The following KCNK2 variants were observed in gnomAD, a reference collection of about 807,000 sequenced individuals.
The protein encoded by KCNK2 is potassium channel subfamily K member 2.
KCNK2 carries 21 observed loss-of-function variants against 40.5 expected under a neutral mutation model. The observed-to-expected ratio is 0.52, with a 90% CI of 0.37 to 0.75. The LOEUF is 0.75. Among genes scored for constraint, KCNK2 ranks in the 30% least tolerant of loss-of-function variants. KCNK2 has a pLI of 0.00. For synonymous variants in KCNK2, 191 were observed against 202.2 expected (o/e 0.94, Z 0.47); for missense variants, 399 against 531.6 (o/e 0.75, Z 2.45).
chr1:215,087,780 G>C (rs1659511693), intron 2 of KCNK2, among the ~76,000 whole-genome samples: 1 of 152,172 alleles, frequency 6.6e-6, no homozygotes. Context: ...CTTTAATCCT[G>C]CTTTTTGTTT....
At chr1:215,149,203 A>AG (rs1289909420) in intron 3 of KCNK2, among the ~76,000 whole-genome samples, 2 of 152,094 alleles carry the variant, frequency 1.3e-5, no homozygotes, top group African/African-American at 4.8e-5. Context: ...GCAGGGAAGG[A>AG]GAATGGAGGG....
intron 2 of KCNK2, among the ~76,000 whole-genome samples, chr1:215,098,605 C>T (rs748037635): frequency 1.1e-4 from 16 of 151,922 alleles, no homozygotes; most frequent in Non-Finnish European, 2.2e-4. Flanking sequence ...GAACAGATAC[C>T]TAGCATTACA....
chr1:215,166,573 G>A (rs1486987347), intron 3 of KCNK2, among the ~76,000 whole-genome samples: 1 of 152,066 alleles, frequency 6.6e-6, no homozygotes, highest in East Asian at 1.9e-4. Flanking sequence ...TAAGGCAGCT[G>A]TACACTGGTG....
chr1:215,150,061 T>G (rs1327775115), intron 3 of KCNK2, among the ~76,000 whole-genome samples: 1 of 152,154 alleles, frequency 6.6e-6, no homozygotes, highest in Non-Finnish European at 1.5e-5. Context: ...ATCGTTATGA[T>G]CTAGTAAGAT....
In KCNK2 at chr1:215,026,913, G is replaced by T. The variant is rs146898359; in HGVS notation, c.34+20958G>T. On this transcript the variant is annotated intron_variant, in intron 1 of 6. Transcript: ENST00000391895. ...TTTATTCCATTTGAAAACAGGGCAT[G>T]TAATTTTATTGTTTCAGATCATTTT... Among the ~76,000 whole-genome samples the T allele has an allele frequency of 1.9e-4, 29 of 152,130 alleles. No individual in the cohort carries two copies. In the East Asian group the frequency reaches 5.6e-3, roughly 29 times the overall value.
Position 215,236,923 on chromosome 1 carries a change from C to T in KCNK2, c.*1778C>T, listed in dbSNP as rs1666921667. 6.6e-6 allele frequency: 1 copy of T among 152,336 alleles called. No homozygotes were observed. 9.4% of individuals were successfully genotyped at this position (152,336 alleles called of 1,614,324 possible). A position where few individuals can be genotyped will look rare whatever the true frequency, so the allele number is the denominator to read the frequency against. ...ATATTCAATTAATTTGTTAAAAGTA[C>T]TTTTATAAAGTTAAAAAAAATCCAA... On this transcript the variant is annotated 3_prime_UTR_variant, in exon 7 of 7. Transcript: ENST00000444842.
chr1:215,153,253 G>A (rs2102615149), intron 3 of KCNK2, among the ~76,000 whole-genome samples: 1 of 152,202 alleles, frequency 6.6e-6, no homozygotes, highest in Non-Finnish European at 1.5e-5. Flanking sequence ...AAACGTATGT[G>A]GGGTTTGTCA....
intron 5 of KCNK2, among the ~76,000 whole-genome samples, chr1:215,193,091 CAAT>C (rs1431514361): frequency 4.0e-5 from 6 of 151,872 alleles, no homozygotes; most frequent in South Asian, 2.1e-4. Flanking sequence ...AATTTCTCTA[CAAT>C]AATGTTATAC....
In KCNK2 at chr1:215,201,430, G is replaced by A. The variant is rs149013656; in HGVS notation, c.963+6338G>A. On this transcript the variant is annotated intron_variant, in intron 6 of 6. Coordinates refer to ENST00000444842, the MANE Select transcript of KCNK2 (RefSeq NM_001017425.3). ...AGTAGCTATATCTTAAGATAGTTCCGGCCACATAAAACACAATTTCAAAGG... is the reference window on the plus strand; with the variant it reads ...AGTAGCTATATCTTAAGATAGTTCCAGCCACATAAAACACAATTTCAAAGG... Among the ~76,000 whole-genome samples, 536 of 152,114 alleles carry A rather than the reference G, an allele frequency of 3.5e-3. 1 individual carries two copies. Among genetic ancestry groups the A allele is most frequent in the African/African-American group, 0.012 (504 of 41,500 alleles).
chr1:215,177,841 G>A (rs918188560), intron 5 of KCNK2, among the ~76,000 whole-genome samples: 19 of 146,136 alleles, frequency 1.3e-4, no homozygotes, highest in Non-Finnish European at 2.5e-4. Context: ...TTTTTTTTAG[G>A]ATTACTTTGA....
intron 5 of KCNK2, among the ~76,000 whole-genome samples, chr1:215,184,271 T>A (rs1291722830): frequency 1.3e-5 from 2 of 152,190 alleles, no homozygotes; most frequent in Non-Finnish European, 1.5e-5. Context: ...AATGGAAAGT[T>A]TGTTATTACA....
chr1:215,078,141 C>T (rs79648230), upstream of KCNK2, among the ~76,000 whole-genome samples: 1,358 of 152,204 alleles, frequency 8.9e-3, 24 homozygotes, highest in African/African-American at 0.032. Context: ...AAAAAAACCT[C>T]GTAATGTTTT....
chr1:215,027,118 A>G (rs1174091504), intron 1 of KCNK2, among the ~76,000 whole-genome samples: 1 of 152,078 alleles, frequency 6.6e-6, no homozygotes, highest in East Asian at 1.9e-4. Flanking sequence ...TCTATCAAAT[A>G]TTCTTATCAA....
At chr1:215,227,877 A>AT (rs1666455684) in intron 6 of KCNK2, among the ~76,000 whole-genome samples, 1 of 152,034 alleles carries the variant, frequency 6.6e-6, no homozygotes, top group East Asian at 1.9e-4. Flanking sequence ...TTGATGTAAG[A>AT]TTCAGTAAGA....
chr1:215,120,917 T>C (rs1456499725), intron 2 of KCNK2, among the ~76,000 whole-genome samples: 3 of 152,242 alleles, frequency 2.0e-5, no homozygotes, highest in Non-Finnish European at 2.9e-5. Flanking sequence ...ATGTCTTTTT[T>C]TGTTTGCTTG....
rs776566359 is a variant in KCNK2, at chr1:215,235,189, T to G, written c.*44T>G. The G allele has an allele frequency of 6.7e-7, 1 of 1,484,102 alleles. No individual in the cohort carries two copies. Among genetic ancestry groups the G allele is most frequent in the Non-Finnish European group, 9.2e-7 (1 of 1,085,086 alleles). The allele number at this position is 1,484,102 out of a possible 1,614,324, so 91.9% of individuals were successfully genotyped here. A position where few individuals can be genotyped will look rare whatever the true frequency, so the allele number is the denominator to read the frequency against. On this transcript the variant is annotated 3_prime_UTR_variant, in exon 7 of 7. Transcript: ENST00000444842. ...TTAGGCATAGCCATAGGTGAGGACTTCTCTATGCTCTTTATGACTGTTGCT... is the reference window on the plus strand; with the variant it reads ...TTAGGCATAGCCATAGGTGAGGACTGCTCTATGCTCTTTATGACTGTTGCT...
upstream of KCNK2, among the ~76,000 whole-genome samples, chr1:215,080,250 C>G (rs1005719297): frequency 3.9e-5 from 6 of 152,112 alleles, no homozygotes; most frequent in African/African-American, 7.2e-5. Context: ...TAAGCATTAG[C>G]CAGTTTGACA....
chr1:215,078,207 T>C (rs1571887539), upstream of KCNK2, among the ~76,000 whole-genome samples: 1 of 152,242 alleles, frequency 6.6e-6, no homozygotes, highest in East Asian at 1.9e-4. Context: ...GGGCTGCATG[T>C]AGCCTGCAGG....
At chr1:215,025,527 T>G (rs1656973374) in intron 1 of KCNK2, among the ~76,000 whole-genome samples, 1 of 152,112 alleles carries the variant, frequency 6.6e-6, no homozygotes, top group South Asian at 2.1e-4. Flanking sequence ...CTAATATGTA[T>G]TATTCTGCAT....
Sources: gnomAD v4.1 joint callset for allele counts (sites outside exome capture counted in the v4.1 genomes callset) on GRCh38, gnomAD v4.1.1 for gene constraint, MANE v1.5 for transcripts, NCBI Gene and HGNC (gene_info 2026-07-23, HGNC 2026-07-21) for gene names.